Variants in ADAMTS12 observed in about 807,000 individuals in gnomAD.
The protein encoded by ADAMTS12 is ADAM metallopeptidase with thrombospondin type 1 motif 12.
A neutral mutation model predicts 167.8 loss-of-function variants in ADAMTS12; 118 were observed. The ratio of observed to expected loss-of-function variants is 0.70; its 90% CI spans 0.61 to 0.82. The LOEUF is 0.82. Among genes scored for constraint, ADAMTS12 ranks in the 40% least tolerant of loss-of-function variants. The pLI is 0.00. For synonymous variants in ADAMTS12, 704 were observed against 716.9 expected, an observed-to-expected ratio of 0.98 and a Z score of 0.29; for missense variants, 1,916 against 1,998.8, an observed-to-expected ratio of 0.96 and a Z score of 0.79.
chr5:33,604,599 G>T (rs561291012), intron 16 of ADAMTS12, among the ~76,000 whole-genome samples: 1 of 151,028 alleles, frequency 6.6e-6, no homozygotes, highest in South Asian at 2.1e-4. Context: ...GGCCTGGGAA[G>T]TTAGCAAGAC....
intron 3 of ADAMTS12, among the ~76,000 whole-genome samples, chr5:33,722,999 T>C (rs1030372380): frequency 6.6e-6 from 1 of 152,000 alleles, no homozygotes; most frequent in Non-Finnish European, 1.5e-5. Context: ...GGTATGAGGA[T>C]GGGGAAGATG....
At chr5:33,535,044 G>A in intron 22 of ADAMTS12, 52 bp from the exon 23 acceptor site, 6 of 1,527,374 alleles carry the variant, frequency 3.9e-6, no homozygotes, top group Non-Finnish European at 5.3e-6. Context: ...GACTCCCAAG[G>A]AAACACCAGT....
chr5:33,873,162 G>C (rs1173817435), intron 2 of ADAMTS12, among the ~76,000 whole-genome samples: 1 of 132,250 alleles, frequency 7.6e-6, no homozygotes, highest in Non-Finnish European at 1.6e-5. Context: ...ATGCTATGTA[G>C]ATTTAAAAAA....
chr5:33,592,460 CT>C (rs954330725), intron 17 of ADAMTS12, among the ~76,000 whole-genome samples: 4 of 152,138 alleles, frequency 2.6e-5, no homozygotes, highest in African/African-American at 9.7e-5. Flanking sequence ...CAGCTGTGGC[CT>C]AGCAGAGCTT....
intron 2 of ADAMTS12, among the ~76,000 whole-genome samples, chr5:33,836,137 A>G (rs1748518157): frequency 6.6e-6 from 1 of 152,184 alleles, no homozygotes; most frequent in Non-Finnish European, 1.5e-5. Flanking sequence ...AAAAAGCCCA[A>G]TGCGTGTGAG....
intron 5 of ADAMTS12, among the ~76,000 whole-genome samples, chr5:33,663,549 T>C (rs1561201682): frequency 6.6e-6 from 1 of 152,220 alleles, no homozygotes; most frequent in Non-Finnish European, 1.5e-5. Context: ...ATCTACTCAG[T>C]ATTATTTGTA....
chr5:33,573,427 G>A (rs1421442380), intron 19 of ADAMTS12, among the ~76,000 whole-genome samples: 1 of 152,088 alleles, frequency 6.6e-6, no homozygotes, highest in Non-Finnish European at 1.5e-5. Flanking sequence ...ACAGAACAGA[G>A]CCCTCAGAAA....
intron 23 of ADAMTS12, among the ~76,000 whole-genome samples, chr5:33,532,850 T>C (rs150745416): frequency 1.8e-3 from 270 of 152,346 alleles, no homozygotes; most frequent in African/African-American, 6.2e-3. Flanking sequence ...TGAAAGCTGA[T>C]TGACAAGAGT....
chr5:33,701,263 C>G (rs1486002539), intron 3 of ADAMTS12, among the ~76,000 whole-genome samples: 1 of 152,150 alleles, frequency 6.6e-6, no homozygotes. Flanking sequence ...ATCTGAGCAC[C>G]CTTAGAACTT....
Position 33,610,242 on chromosome 5 carries a change from T to C in ADAMTS12, c.2527+3996A>G, listed in dbSNP as rs940711914. Among the ~76,000 whole-genome samples the C allele has an allele frequency of 3.9e-5, 6 of 152,310 alleles. No individual in the cohort carries two copies. In the East Asian group the frequency reaches 1.2e-3, roughly 29 times the overall value. ...AAAACAAAATAGTATTTTTGTTTCATTTTAAATTGACTTGATGAGGTGTGT... is the reference window on the plus strand; with the variant it reads ...AAAACAAAATAGTATTTTTGTTTCACTTTAAATTGACTTGATGAGGTGTGT... On this transcript the variant is annotated intron_variant, in intron 16 of 23. Transcript: ENST00000504830.
intron 4 of ADAMTS12, among the ~76,000 whole-genome samples, chr5:33,683,552 T>A (rs773723181): frequency 6.6e-6 from 1 of 152,206 alleles, no homozygotes; most frequent in Non-Finnish European, 1.5e-5. Flanking sequence ...AGTTTACTCC[T>A]TCGGTTTACT....
chr5:33,631,886 G>A (rs2112148101), intron 12 of ADAMTS12, among the ~76,000 whole-genome samples: 1 of 152,244 alleles, frequency 6.6e-6, no homozygotes, highest in Non-Finnish European at 1.5e-5. Flanking sequence ...ATCAGCTGAG[G>A]ACTCAATGGT....
chr5:33,681,432 G>A (rs1162486086), intron 5 of ADAMTS12, among the ~76,000 whole-genome samples: 2 of 152,182 alleles, frequency 1.3e-5, no homozygotes, highest in African/African-American at 4.8e-5. Flanking sequence ...CATTTCATCA[G>A]TTGGCTGGTC....
intron 3 of ADAMTS12, among the ~76,000 whole-genome samples, chr5:33,723,568 CA>C (rs986018420): frequency 6.6e-6 from 1 of 152,136 alleles, no homozygotes; most frequent in Non-Finnish European, 1.5e-5. Context: ...AAGCATTGGC[CA>C]CATCAGTTAC....
intron 2 of ADAMTS12, among the ~76,000 whole-genome samples, chr5:33,803,679 C>G (rs561227305): frequency 1.3e-5 from 2 of 152,270 alleles, no homozygotes; most frequent in South Asian, 4.1e-4. Flanking sequence ...TCTTCCAGTT[C>G]CACATGGCTG....
intron 5 of ADAMTS12, among the ~76,000 whole-genome samples, chr5:33,679,247 C>T (rs1413544617): frequency 1.3e-5 from 2 of 152,244 alleles, no homozygotes; most frequent in Non-Finnish European, 2.9e-5. Flanking sequence ...AAAGCCATTG[C>T]CCATGCAGGT....
intron 2 of ADAMTS12, among the ~76,000 whole-genome samples, chr5:33,831,370 A>G (rs1193880225): frequency 6.6e-6 from 1 of 152,210 alleles, no homozygotes; most frequent in African/African-American, 2.4e-5. Context: ...CTCCACCACT[A>G]AAACCACTCT....
chr5:33,630,957 G>C (rs749422537), intron 12 of ADAMTS12, 44 bp from the exon 13 acceptor site: 1 of 1,599,218 alleles, frequency 6.3e-7, no homozygotes, highest in South Asian at 1.1e-5. Context: ...TTAGCTTTTA[G>C]CTCAGCATCC....
chr5:33,803,716 G>A (rs1747108795), intron 2 of ADAMTS12, among the ~76,000 whole-genome samples: 1 of 152,166 alleles, frequency 6.6e-6, no homozygotes, highest in South Asian at 2.1e-4. Flanking sequence ...ATGGCGAAAG[G>A]CAAAGGGGAA....
Sources: gnomAD v4.1 joint callset for allele counts (sites outside exome capture counted in the v4.1 genomes callset) on GRCh38, gnomAD v4.1.1 for gene constraint, MANE v1.5 for transcripts, NCBI Gene and HGNC (gene_info 2026-07-23, HGNC 2026-07-21) for gene names.